The following SUMF1 variants were observed in gnomAD, a reference collection of about 807,000 sequenced individuals.
The protein encoded by SUMF1 is sulfatase modifying factor 1.
In SUMF1, 48 loss-of-function variants were observed where a neutral mutation model predicts 47.6. That is an observed-to-expected ratio of 1.01 (90% CI 0.80 to 1.28). The LOEUF is 1.28. Ranked by LOEUF, SUMF1 falls within the 50% of genes most tolerant of loss-of-function variation. SUMF1 has a pLI of 0.00. For missense variants in SUMF1, 571 were observed against 485.4 expected, an observed-to-expected ratio of 1.18 and a Z score of -1.66; for synonymous variants, 230 against 192.1, an observed-to-expected ratio of 1.20 and a Z score of -1.63.
intron 7 of SUMF1, among the ~76,000 whole-genome samples, chr3:4,392,593 A>ACG (rs879758719): frequency 9.9e-5 from 14 of 140,880 alleles, no homozygotes; most frequent in African/African-American, 3.4e-4. Context: ...TCAGATATAT[A>ACG]TGTGTGTGTG....
At chr3:4,197,105 G>A (rs1307323975) in intron 8 of SUMF1, among the ~76,000 whole-genome samples, 1 of 152,100 alleles carries the variant, frequency 6.6e-6, no homozygotes, top group Non-Finnish European at 1.5e-5. Context: ...TATAGGCTTA[G>A]GAGTTCAGAA....
chr3:4,192,340 C>A (rs1321101491), intron 8 of SUMF1, among the ~76,000 whole-genome samples: 1 of 152,126 alleles, frequency 6.6e-6, no homozygotes, highest in African/African-American at 2.4e-5. Flanking sequence ...TGGCCTATTT[C>A]TCCATTTATA....
intron 8 of SUMF1, among the ~76,000 whole-genome samples, chr3:4,282,280 A>C (rs1410177166): frequency 6.6e-6 from 1 of 152,178 alleles, no homozygotes; most frequent in Non-Finnish European, 1.5e-5. Context: ...ACAAGGGAAA[A>C]AGCTTTATTG....
chr3:4,207,960 T>G (rs1695689714), intron 8 of SUMF1, among the ~76,000 whole-genome samples: 1 of 152,096 alleles, frequency 6.6e-6, no homozygotes, highest in South Asian at 2.1e-4. Context: ...GGCCCCCATG[T>G]TTTTATGAGT....
In SUMF1 at chr3:4,253,921, C is replaced by T. The variant is rs535638262; in HGVS notation, c.1014+122409G>A. On this transcript the variant is annotated intron_variant and NMD_transcript_variant, in intron 8 of 12. Transcript: ENST00000448413. ...CAGCACGCAGCTGGAGATCTGAGAACTGGCAGACTGCCTCCTCAAGTGGGT... is the reference window on the plus strand; with the variant it reads ...CAGCACGCAGCTGGAGATCTGAGAATTGGCAGACTGCCTCCTCAAGTGGGT... 1.9e-3 allele frequency among the ~76,000 whole-genome samples: 285 copies of T among 150,192 alleles called. 3 individuals carry two copies. The highest frequency in any genetic ancestry group is 6.6e-3 in the African/African-American group (268 of 40,566).
rs192188184 is a variant in SUMF1, at chr3:4,109,100, G to A, written c.1015-40355C>T. Among the ~76,000 whole-genome samples, 421 of 152,174 alleles carry A rather than the reference G, an allele frequency of 2.8e-3. 4 individuals are homozygous for A. The highest frequency in any genetic ancestry group is 9.7e-3 in the African/African-American group (402 of 41,480). Reference sequence around the variant, plus strand: ...TTCATGTTTAGTGCTTCCTTCAGGAGCTCTTTTAGGGCAGGCCTGGTGGTG... The same window carrying A: ...TTCATGTTTAGTGCTTCCTTCAGGAACTCTTTTAGGGCAGGCCTGGTGGTG... On this transcript the variant is annotated intron_variant and NMD_transcript_variant, in intron 8 of 12. Transcript: ENST00000448413.
chr3:4,225,143 C>G (rs1285410871), intron 8 of SUMF1, among the ~76,000 whole-genome samples: 1 of 152,040 alleles, frequency 6.6e-6, no homozygotes, highest in Non-Finnish European at 1.5e-5. Flanking sequence ...GAGGATTCAC[C>G]CTTGGGAGAA....
intron 8 of SUMF1, among the ~76,000 whole-genome samples, chr3:4,236,428 C>G (rs923778162): frequency 6.6e-6 from 1 of 151,896 alleles, no homozygotes; most frequent in African/African-American, 2.4e-5. Flanking sequence ...ATGACTGGGC[C>G]ATTAGGAAAA....
intron 8 of SUMF1, among the ~76,000 whole-genome samples, chr3:4,285,198 A>G (rs1697608669): frequency 6.6e-6 from 1 of 152,222 alleles, no homozygotes; most frequent in Non-Finnish European, 1.5e-5. Context: ...TCCATAAAAT[A>G]ACTTATGCTT....
At chr3:4,310,715 T>A (rs986379917) in intron 8 of SUMF1, among the ~76,000 whole-genome samples, 2 of 152,146 alleles carry the variant, frequency 1.3e-5, no homozygotes, top group African/African-American at 4.8e-5. Flanking sequence ...AATAAAACTG[T>A]TTTTCACCTG....
chr3:4,038,472 G>T (rs1241477265), intron 9 of SUMF1, among the ~76,000 whole-genome samples: 1 of 152,270 alleles, frequency 6.6e-6, no homozygotes, highest in East Asian at 1.9e-4. Context: ...GGCAGTAGCA[G>T]AGTGGCTTTC....
chr3:4,086,215 G>GA (rs140931896), intron 8 of SUMF1, among the ~76,000 whole-genome samples: 4,038 of 101,864 alleles, frequency 0.04, 117 homozygotes, highest in African/African-American at 0.096. Flanking sequence ...CTTAGAATCA[G>GA]AAAAAAAAAA....
chr3:4,183,835 G>T (rs1695144663), intron 8 of SUMF1, among the ~76,000 whole-genome samples: 1 of 151,984 alleles, frequency 6.6e-6, no homozygotes, highest in Non-Finnish European at 1.5e-5. Context: ...CAAGGTAATG[G>T]GCTACTTTAT....
At chr3:4,163,726 T>TC (rs1694636643) in intron 8 of SUMF1, among the ~76,000 whole-genome samples, 1 of 151,970 alleles carries the variant, frequency 6.6e-6, no homozygotes, top group Non-Finnish European at 1.5e-5. Flanking sequence ...TAACTGCCAC[T>TC]CCCTGTTCTT....
chr3:4,093,949 T>C (rs1393892670), intron 8 of SUMF1, among the ~76,000 whole-genome samples: 2 of 152,008 alleles, frequency 1.3e-5, no homozygotes, highest in Non-Finnish European at 2.9e-5. Context: ...CAGGTATATA[T>C]CCAAAATGGG....
Position 4,053,469 on chromosome 3 carries a change from G to A in SUMF1, c.1191+15100C>T, listed in dbSNP as rs552779186. ...AATGGCACCAATAGCCTTGCTTTAC[G>A]CAAGGTTGCCACAAACCTTCAGTTT... On this transcript the variant is annotated intron_variant and NMD_transcript_variant, in intron 9 of 12. Transcript: ENST00000448413. 2.2e-4 allele frequency among the ~76,000 whole-genome samples: 33 copies of A among 152,232 alleles called. No homozygotes were observed. In the South Asian group the frequency reaches 6.4e-3, roughly 30 times the overall value.
intron 9 of SUMF1, among the ~76,000 whole-genome samples, chr3:4,041,383 A>G (rs953976743): frequency 1.3e-5 from 2 of 152,182 alleles, no homozygotes; most frequent in African/African-American, 2.4e-5. Context: ...ACCATTCTTT[A>G]TGATGATATA....
intron 6 of SUMF1, among the ~76,000 whole-genome samples, chr3:4,415,111 T>A (rs1215065807): frequency 6.6e-6 from 1 of 150,814 alleles, no homozygotes; most frequent in South Asian, 2.1e-4. Context: ...GCTATAATCC[T>A]AGCTACTAAG....
chr3:4,158,500 T>C (rs932878397), intron 8 of SUMF1, among the ~76,000 whole-genome samples: 1 of 151,540 alleles, frequency 6.6e-6, no homozygotes, highest in Non-Finnish European at 1.5e-5. Flanking sequence ...TACAATGTTT[T>C]TGTTGATTTT....
Sources: allele counts gnomAD v4.1 joint callset (sites outside exome capture counted in the v4.1 genomes callset), GRCh38; gene constraint gnomAD v4.1.1; transcripts MANE v1.5; gene names NCBI Gene and HGNC (gene_info 2026-07-23, HGNC 2026-07-21).